LTBP1: variants seen among roughly 807,000 people sequenced by gnomAD.
LTBP1 encodes the protein latent-transforming growth factor beta-binding protein 1.
LTBP1 carries 129 observed loss-of-function variants against 207.6 expected under a neutral mutation model. The observed-to-expected ratio is 0.62, with a 90% CI of 0.54 to 0.72. The LOEUF (loss-of-function observed/expected upper bound fraction) is 0.72, where lower values mean the gene tolerates loss of function less well. Among genes scored for constraint, LTBP1 ranks in the 30% least tolerant of loss-of-function variants. The pLI is 0.00. For synonymous variants in LTBP1, 963 were observed against 833.7 expected (o/e 1.16, Z -2.67); for missense variants, 2,281 against 2,217.2 (o/e 1.03, Z -0.58).
chr2:33,340,875 T>C (rs2149643489), intron 24 of LTBP1, among the ~76,000 whole-genome samples: 1 of 152,282 alleles, frequency 6.6e-6, no homozygotes, highest in South Asian at 2.1e-4. Flanking sequence ...ACAGATAGAC[T>C]GTAATAGGAA....
At chr2:33,216,535 T>C (rs2090717479) in intron 7 of LTBP1, among the ~76,000 whole-genome samples, 1 of 152,096 alleles carries the variant, frequency 6.6e-6, no homozygotes, top group Admixed American at 6.6e-5. Flanking sequence ...AGTGAAAGTT[T>C]TTAATCGGTA....
At chr2:33,191,616 A>G (rs1165954482) in intron 7 of LTBP1, among the ~76,000 whole-genome samples, 2 of 152,232 alleles carry the variant, frequency 1.3e-5, no homozygotes, top group Non-Finnish European at 2.9e-5. Context: ...GTATCCTACT[A>G]TCCTACAAAG....
intron 3 of LTBP1, among the ~76,000 whole-genome samples, chr2:33,072,497 C>T (rs867461191): frequency 1.6e-4 from 25 of 152,276 alleles, no homozygotes; most frequent in Admixed American, 1.1e-3. Flanking sequence ...GACCTGCAAT[C>T]AGACAAGGAA....
At chr2:32,968,114 A>G (rs1170286599) in intron 2 of LTBP1, among the ~76,000 whole-genome samples, 2 of 152,100 alleles carry the variant, frequency 1.3e-5, no homozygotes, top group Non-Finnish European at 2.9e-5. Flanking sequence ...CTACAGGTAG[A>G]TGCCACCATG....
At chr2:33,378,209 G>GTA (rs1346470914) in intron 31 of LTBP1, among the ~76,000 whole-genome samples, 1 of 150,770 alleles carries the variant, frequency 6.6e-6, no homozygotes, top group East Asian at 2.0e-4. Context: ...GTGTGTGTGT[G>GTA]TGTGTGTGTG....
chr2:33,115,759 G>T (rs889627516), intron 4 of LTBP1, among the ~76,000 whole-genome samples: 4 of 152,092 alleles, frequency 2.6e-5, no homozygotes, highest in African/African-American at 9.7e-5. Context: ...AAATGGAAAT[G>T]ACATAACATT....
chr2:33,341,434 A>G (rs1024525984), intron 24 of LTBP1, among the ~76,000 whole-genome samples: 1 of 151,880 alleles, frequency 6.6e-6, no homozygotes, highest in Non-Finnish European at 1.5e-5. Flanking sequence ...AAATGCGGCC[A>G]GGTGCGGTGG....
intron 7 of LTBP1, among the ~76,000 whole-genome samples, chr2:33,214,390 T>A (rs978580659): frequency 1.3e-5 from 2 of 152,226 alleles, no homozygotes; most frequent in African/African-American, 4.8e-5. Context: ...CTGTCTTCTC[T>A]AAGGTTCCCG....
At chr2:33,206,678 G>A (rs1452807715) in intron 7 of LTBP1, among the ~76,000 whole-genome samples, 8 of 151,442 alleles carry the variant, frequency 5.3e-5, no homozygotes, top group African/African-American at 1.9e-4. Context: ...GGCGGAGCTT[G>A]CAGTGAGCCG....
rs139697305 is a variant in LTBP1 at position 32,983,962 on chromosome 2, T to A, written c.565+35017T>A. Among the ~76,000 whole-genome samples the A allele has an allele frequency of 2.5e-3, 374 of 152,358 alleles. 2 individuals carry two copies. The highest frequency in any genetic ancestry group is 8.3e-3 in the African/African-American group (344 of 41,586). On this transcript the variant is annotated intron_variant, in intron 2 of 33. Coordinates refer to ENST00000404816, the MANE Select transcript of LTBP1 (RefSeq NM_206943.4). ...TAGATCTTTGGAACATAAAGCCAGA[T>A]TGTTAAAACTGTACTGCATAATTTT... is the stretch of plus-strand genomic sequence containing the variant.
intron 3 of LTBP1, among the ~76,000 whole-genome samples, chr2:33,025,345 T>A (rs1275580340): frequency 2.6e-5 from 4 of 152,282 alleles, no homozygotes; most frequent in Admixed American, 1.3e-4. Flanking sequence ...ATATGAAGAT[T>A]AACGGTAATA....
At chr2:33,087,084 CTT>C (rs35334788) in intron 3 of LTBP1, among the ~76,000 whole-genome samples, 5 of 89,024 alleles carry the variant, frequency 5.6e-5, no homozygotes, top group African/African-American at 1.1e-4. Context: ...CTCCTTTATG[CTT>C]TTTTTTTTTT....
chr2:33,391,204 G>A lies in LTBP1; in HGVS notation c.4834+1898G>A, dbSNP rs1175117813. 2.0e-5 allele frequency among the ~76,000 whole-genome samples: 3 copies of A among 151,864 alleles called. No individual in the cohort carries two copies. The East Asian group carries it at 5.8e-4, about 29-fold the overall frequency. ...ACACGCCTGTGTAACTCCCACCCAG[G>A]CCAGGAGCAGTGCCAGCCTCCAGAA... On this transcript the variant is annotated intron_variant, in intron 32 of 33. Coordinates refer to ENST00000404816, the MANE Select transcript of LTBP1 (RefSeq NM_206943.4).
chr2:33,222,135 C>T lies in LTBP1; in HGVS notation c.1860C>T (p.Asn620=), dbSNP rs2290448. 0.46 allele frequency: 736,150 copies of T among 1,605,852 alleles called. 173,688 individuals carry two copies. Among genetic ancestry groups the T allele is most frequent in the Non-Finnish European group, 0.49 (569,036 of 1,172,856 alleles). Residue 620 remains asparagine, a synonymous_variant, in exon 9 of 34, where the codon AAC becomes AAT. Transcript: ENST00000404816. The part of the protein sequence containing the change: ...MECLPGYKRV[N]NTFCQDINEC... Reference sequence around the variant, plus strand: ...GCCTACCGGGTTATAAGCGGGTTAACAACACCTTTTGCCAAGGTAAGACTA... The same window carrying T: ...GCCTACCGGGTTATAAGCGGGTTAATAACACCTTTTGCCAAGGTAAGACTA...
At chr2:33,315,746 G>C (rs1192896413) in intron 24 of LTBP1, among the ~76,000 whole-genome samples, 1 of 152,108 alleles carries the variant, frequency 6.6e-6, no homozygotes, top group South Asian at 2.1e-4. Flanking sequence ...GACCAAGCCT[G>C]GCCAACATGG....
At chr2:33,178,903 C>T (rs1024109249) in intron 5 of LTBP1, among the ~76,000 whole-genome samples, 1 of 152,096 alleles carries the variant, frequency 6.6e-6, no homozygotes, top group African/African-American at 2.4e-5. Context: ...GCTTTATTTT[C>T]CTTTTTTCTT....
chr2:33,035,682 A>G (rs2123919), intron 3 of LTBP1, among the ~76,000 whole-genome samples: 12,499 of 152,298 alleles, frequency 0.082, 554 homozygotes, highest in Middle Eastern at 0.095. Flanking sequence ...TGTGTACTCA[A>G]TTTTTTGTAG....
chr2:33,201,263 G>T (rs956162041), intron 7 of LTBP1, among the ~76,000 whole-genome samples: 3 of 152,112 alleles, frequency 2.0e-5, no homozygotes, highest in Non-Finnish European at 4.4e-5. Context: ...TTAAGAAAAT[G>T]TGGCACATAT....
Position 33,134,800 on chromosome 2 carries a change from C to T in LTBP1, c.1041C>T (p.Asn347=), listed in dbSNP as rs2082018307. ...DQVAAPFQLS[N]HTGRIKVVFT... is the part of the protein sequence containing the mutation. ...CCCTGCCTCCGCTCCTAGTGAGTAA[C>T]CACACTGGCCGCATCAAGGTGGTCT... is the stretch of plus-strand genomic sequence containing the variant. Residue 347 remains asparagine, a synonymous_variant, in exon 5 of 34, where the codon AAC becomes AAT. Transcript: ENST00000404816. This position sits in a 1 kb window ranked among gnomAD's most constrained non-coding sequence, Gnocchi z 4.4. 1 of 1,614,076 alleles carries T rather than the reference C, an allele frequency of 6.2e-7. No individual in the cohort carries two copies. The highest frequency in any genetic ancestry group is 8.5e-7 in the Non-Finnish European group (1 of 1,180,022).
Sources: gnomAD v4.1 joint callset for allele counts (sites outside exome capture counted in the v4.1 genomes callset) on GRCh38, gnomAD v4.1.1 for gene constraint, Gnocchi (gnomAD v3.1) non-coding constraint, MANE v1.5 for transcripts, NCBI Gene and HGNC (gene_info 2026-07-23, HGNC 2026-07-21) for gene names.